ITFG1: variants seen among roughly 807,000 people sequenced by gnomAD.
ITFG1 encodes integrin alpha FG-GAP repeat containing 1.
In ITFG1, 34 loss-of-function variants were observed where a neutral mutation model predicts 81.8. That is an observed-to-expected ratio of 0.42 (90% CI 0.32 to 0.55). The LOEUF is 0.55. ITFG1 is among the 20% of genes least tolerant of loss of function. ITFG1 has a pLI of 0.17. For synonymous variants in ITFG1, 285 were observed against 270.6 expected (o/e 1.05, Z -0.52); for missense variants, 672 against 755.4 (o/e 0.89, Z 1.29).
intron 8 of ITFG1, among the ~76,000 whole-genome samples, chr16:47,363,991 G>C (rs1358300456): frequency 7.2e-5 from 11 of 152,078 alleles, no homozygotes; most frequent in Admixed American, 7.2e-4. Flanking sequence ...CACTTCCCTT[G>C]TTTTGGTTCA....
chr16:47,342,130 A>G (rs1276829150), intron 8 of ITFG1, among the ~76,000 whole-genome samples: 2 of 152,212 alleles, frequency 1.3e-5, no homozygotes, highest in African/African-American at 4.8e-5. Context: ...TTCCTGAGCA[A>G]TAGATGCAAA....
intron 13 of ITFG1, among the ~76,000 whole-genome samples, chr16:47,230,980 C>G (rs1038073223): frequency 6.6e-6 from 1 of 152,192 alleles, no homozygotes; most frequent in Non-Finnish European, 1.5e-5. Flanking sequence ...AATCTCCTGA[C>G]CTCGTGATCT....
chr16:47,414,952 A>G (rs1180373388), intron 6 of ITFG1, among the ~76,000 whole-genome samples: 1 of 152,134 alleles, frequency 6.6e-6, no homozygotes, highest in African/African-American at 2.4e-5. Flanking sequence ...TTAGGCTCTG[A>G]CCTTGATCTG....
chr16:47,327,852 T>C (rs954809225), intron 8 of ITFG1, among the ~76,000 whole-genome samples: 7 of 152,012 alleles, frequency 4.6e-5, no homozygotes, highest in African/African-American at 1.7e-4. Flanking sequence ...TGTGGAGAAA[T>C]AGGAACACTT....
intron 6 of ITFG1, among the ~76,000 whole-genome samples, chr16:47,394,906 A>T: frequency 6.6e-6 from 1 of 152,166 alleles, no homozygotes; most frequent in Admixed American, 6.5e-5. Flanking sequence ...TATGAAAAAA[A>T]TTAGTTCTGT....
chr16:47,273,600 G>A (rs1180068446), intron 10 of ITFG1, among the ~76,000 whole-genome samples: 1 of 152,084 alleles, frequency 6.6e-6, no homozygotes, highest in Non-Finnish European at 1.5e-5. Flanking sequence ...TGACTCAGTG[G>A]GGGAGACAGC....
intron 6 of ITFG1, among the ~76,000 whole-genome samples, chr16:47,390,782 A>G (rs894046894): frequency 3.9e-5 from 6 of 152,060 alleles, no homozygotes; most frequent in Non-Finnish European, 8.8e-5. Flanking sequence ...TAACAGAAAT[A>G]TTTTGCCTGA....
In ITFG1 at chr16:47,299,540, T is replaced by C. The variant is rs374501919; in HGVS notation, c.1070+11700A>G. 2.2e-3 allele frequency: 332 copies of C among 152,416 alleles called. 1 individual carries two copies. The highest frequency in any genetic ancestry group is 3.7e-3 in the Non-Finnish European group (254 of 68,192). The allele number at this position is 152,416 out of a possible 1,614,324, so 9.4% of individuals were successfully genotyped here. The stretch of plus-strand genomic sequence containing the variant: ...TGGCCAGTACAAGTGCCAGCCCTGA[T>C]GGGGGTTGGAGGACAGTTCTCAGGC... On this transcript the variant is annotated intron_variant, in intron 10 of 17. Coordinates refer to ENST00000320640, the MANE Select transcript of ITFG1 (RefSeq NM_030790.5).
chr16:47,265,674 T>C (rs142254916), intron 10 of ITFG1, among the ~76,000 whole-genome samples: 7 of 152,102 alleles, frequency 4.6e-5, no homozygotes, highest in Admixed American at 3.3e-4. Context: ...AAAGACAAAA[T>C]AGAATCATAA....
At chr16:47,437,189 G>A (rs748516068) in intron 5 of ITFG1, among the ~76,000 whole-genome samples, 30 of 152,100 alleles carry the variant, frequency 2.0e-4, no homozygotes, top group Non-Finnish European at 3.8e-4. Context: ...TCTTTAGGTG[G>A]ACACAGTGGC....
intron 8 of ITFG1, among the ~76,000 whole-genome samples, chr16:47,345,312 T>C (rs1967837827): frequency 6.6e-6 from 1 of 151,636 alleles, no homozygotes; most frequent in South Asian, 2.1e-4. Context: ...TGTTTGTTTG[T>C]TTTTTTTAGA....
chr16:47,435,322 T>C (rs941559125), intron 5 of ITFG1, among the ~76,000 whole-genome samples: 27 of 152,184 alleles, frequency 1.8e-4, no homozygotes, highest in Non-Finnish European at 2.9e-4. Flanking sequence ...ATTTGAAGGC[T>C]AAGGTCACAC....
At chr16:47,393,201 C>A (rs1340627620) in intron 6 of ITFG1, among the ~76,000 whole-genome samples, 1 of 152,098 alleles carries the variant, frequency 6.6e-6, no homozygotes, top group African/African-American at 2.4e-5. Context: ...TGACATGGTC[C>A]CCAGAGTTTC....
At chr16:47,259,383 TCA>T (rs1043043172) in intron 11 of ITFG1, among the ~76,000 whole-genome samples, 3 of 152,226 alleles carry the variant, frequency 2.0e-5, no homozygotes, top group African/African-American at 7.2e-5. Flanking sequence ...ATTTTAAATT[TCA>T]TTCATATTTT....
intron 6 of ITFG1, among the ~76,000 whole-genome samples, chr16:47,421,543 T>G (rs978552402): frequency 6.6e-6 from 1 of 152,088 alleles, no homozygotes; most frequent in Non-Finnish European, 1.5e-5. Context: ...GACCTCATGA[T>G]CCGCCCGCCT....
chr16:47,352,482 A>C (rs2151582072), intron 8 of ITFG1, among the ~76,000 whole-genome samples: 1 of 152,368 alleles, frequency 6.6e-6, no homozygotes, highest in South Asian at 2.1e-4. Flanking sequence ...TGGCCATCAG[A>C]GAAATGCAAA....
At position 47,211,008 on chromosome 16, in the gene ITFG1, C is replaced by T. The variant is rs576184458; in HGVS notation, c.1453+7860G>A. Among the ~76,000 whole-genome samples the T allele has an allele frequency of 1.8e-3, 281 of 152,238 alleles. 1 individual carries two copies. The highest frequency in any genetic ancestry group is 6.4e-3 in the African/African-American group (267 of 41,564). ...AATTACTTTTGCAGTAACTTAATAG[C>T]TCCTTGGCCTTTCCATATATATTTT... On this transcript the variant is annotated intron_variant, in intron 14 of 17. Transcript: ENST00000320640.
intron 7 of ITFG1, among the ~76,000 whole-genome samples, chr16:47,375,291 ATTTAAC>A (rs1212159326): frequency 9.2e-5 from 14 of 152,158 alleles, no homozygotes; most frequent in South Asian, 2.1e-4. Flanking sequence ...GTAGCCTGAA[ATTTAAC>A]TTTAAAATTT....
chr16:47,411,235 T>C (rs370841869), intron 6 of ITFG1, among the ~76,000 whole-genome samples: 6 of 152,168 alleles, frequency 3.9e-5, no homozygotes, highest in African/African-American at 1.4e-4. Context: ...GCATGGGAAC[T>C]GGGCATGCCT....
Sources: allele counts gnomAD v4.1 joint callset (sites outside exome capture counted in the v4.1 genomes callset), GRCh38; gene constraint gnomAD v4.1.1; transcripts MANE v1.5; gene names NCBI Gene and HGNC (gene_info 2026-07-23, HGNC 2026-07-21).